The following KIF16B variants were observed in gnomAD, a reference collection of about 807,000 sequenced individuals.
The protein encoded by KIF16B is kinesin family member 16B.
In KIF16B, 98 loss-of-function variants were observed where a neutral mutation model predicts 156.3. That is an observed-to-expected ratio of 0.63 (90% CI 0.53 to 0.74). The LOEUF (loss-of-function observed/expected upper bound fraction) is 0.74, where lower values mean the gene tolerates loss of function less well. Among genes scored for constraint, KIF16B ranks in the 30% least tolerant of loss-of-function variants. The pLI is 0.00. For missense variants in KIF16B, 1,421 were observed against 1,606.5 expected (o/e 0.88, Z 1.97); for synonymous variants, 564 against 583.7 (o/e 0.97, Z 0.49).
intron 22 of KIF16B, among the ~76,000 whole-genome samples, chr20:16,362,464 T>C (rs1878666877): frequency 6.6e-6 from 1 of 152,164 alleles, no homozygotes; most frequent in Admixed American, 6.5e-5. Context: ...ACAGACAGAA[T>C]TATTAATGTC....
chr20:16,566,137 C>T (rs1243238116), intron 1 of KIF16B, among the ~76,000 whole-genome samples: 1 of 152,226 alleles, frequency 6.6e-6, no homozygotes, highest in Admixed American at 6.5e-5. Flanking sequence ...TCAGAAAATA[C>T]AGTGATTGCT....
intron 24 of KIF16B, among the ~76,000 whole-genome samples, chr20:16,312,652 T>C (rs1230782710): frequency 6.6e-6 from 1 of 152,182 alleles, no homozygotes; most frequent in Non-Finnish European, 1.5e-5. Context: ...GGGAACTCCA[T>C]GGAAGAATGA....
intron 25 of KIF16B, among the ~76,000 whole-genome samples, chr20:16,278,766 C>T (rs1312564379): frequency 6.6e-6 from 1 of 152,182 alleles, no homozygotes; most frequent in Admixed American, 6.5e-5. Flanking sequence ...ATATGAGAGA[C>T]ACCCTAGACT....
chr20:16,400,512 A>T (rs2065624570), intron 17 of KIF16B, among the ~76,000 whole-genome samples: 1 of 152,228 alleles, frequency 6.6e-6, no homozygotes, highest in Non-Finnish European at 1.5e-5. Flanking sequence ...TTCTGGGTAC[A>T]TACTCACAAG....
intron 12 of KIF16B, among the ~76,000 whole-genome samples, chr20:16,464,266 G>T (rs191993096): frequency 1.3e-5 from 2 of 152,154 alleles, no homozygotes; most frequent in African/African-American, 4.8e-5. Flanking sequence ...TGATTTAATT[G>T]CAAGGGAATA....
chr20:16,371,687 C>T lies in KIF16B; in HGVS notation c.3425G>A (p.Ser1142Asn), dbSNP rs1408548112. ...TACCTTCATCGTGTCTGCAGATGTACTGCAGCCTTCACTAATCACACGATG... is the reference window on the plus strand; with the variant it reads ...TACCTTCATCGTGTCTGCAGATGTATTGCAGCCTTCACTAATCACACGATG... Reference protein sequence around the residue: ...DLHRVISEGCSTSADTMKDNE... With the variant: ...DLHRVISEGCNTSADTMKDNE... Residue 1142 changes from serine (S) to asparagine (N), a missense_variant, in exon 21 of 26, where the codon AGT (serine) becomes AAT (asparagine). Ser to Asn is a conservative substitution (Grantham distance 46, BLOSUM62 1). Transcript: ENST00000354981. 2 of 1,612,526 alleles carry T rather than the reference C, an allele frequency of 1.2e-6. No individual in the cohort carries two copies. The highest frequency in any genetic ancestry group is 2.2e-5 in the South Asian group (2 of 91,038).
At chr20:16,362,891 C>A (rs529408051) in intron 22 of KIF16B, among the ~76,000 whole-genome samples, 1 of 152,296 alleles carries the variant, frequency 6.6e-6, no homozygotes, top group South Asian at 2.1e-4. Flanking sequence ...AAGATTTTAA[C>A]CAGATAGTAA....
chr20:16,411,924 T>C (rs1358184076), intron 15 of KIF16B, among the ~76,000 whole-genome samples: 2 of 129,506 alleles, frequency 1.5e-5, no homozygotes, highest in Non-Finnish European at 3.2e-5. Flanking sequence ...ATGAGGAATG[T>C]TCAACGTGTG....
In KIF16B at chr20:16,374,296, C is replaced by T. The variant is rs200292362; in HGVS notation, c.3311G>A (p.Ser1104Asn). 1.9e-6 allele frequency: 3 copies of T among 1,603,250 alleles called. No individual in the cohort carries two copies. The highest frequency in any genetic ancestry group is 1.3e-5 in the African/African-American group (1 of 74,734). Reference protein sequence around the residue: ...GKVASSSLPVSAEKSHLVPLM... With the variant: ...GKVASSSLPVNAEKSHLVPLM... Reference sequence around the variant, plus strand: ...GGGAACCAGGTGTGATTTTTCAGCACTGACTGGCAAGCTGGAAGAAGCCAC... The same window carrying T: ...GGGAACCAGGTGTGATTTTTCAGCATTGACTGGCAAGCTGGAAGAAGCCAC... The change falls in exon 20 of 26, where the codon AGT (serine) becomes AAT (asparagine). Residue 1104 changes from serine (S) to asparagine (N), a missense_variant. Coordinates refer to ENST00000354981, the MANE Select transcript of KIF16B (RefSeq NM_024704.5).
chr20:16,470,775 G>T (rs1055256139), intron 12 of KIF16B, among the ~76,000 whole-genome samples: 6 of 151,876 alleles, frequency 4.0e-5, no homozygotes, highest in Admixed American at 6.6e-5. Flanking sequence ...GGGATTACAG[G>T]CATGAACCAA....
chr20:16,368,365 C>T (rs918441942), intron 22 of KIF16B: 13 of 988,912 alleles, frequency 1.3e-5, no homozygotes, highest in African/African-American at 1.7e-5. Flanking sequence ...GCTGCCAACC[C>T]GAGCTTCCGG....
intron 25 of KIF16B, among the ~76,000 whole-genome samples, chr20:16,310,335 A>C (rs2063600756): frequency 1.3e-5 from 2 of 152,212 alleles, no homozygotes; most frequent in Middle Eastern, 3.2e-3. Context: ...CAGATGCCAA[A>C]AGGACAAACA....
chr20:16,501,588 C>A (rs1458420656), intron 10 of KIF16B, among the ~76,000 whole-genome samples: 1 of 151,952 alleles, frequency 6.6e-6, no homozygotes, highest in African/African-American at 2.4e-5. Context: ...AATAGGAAAC[C>A]CCTCAAATGC....
intron 23 of KIF16B, 35 bp from the exon 24 acceptor site, chr20:16,336,050 A>C: frequency 2.4e-6 from 3 of 1,252,698 alleles, no homozygotes; most frequent in Non-Finnish European, 3.4e-6. Context: ...AATAAGCATT[A>C]AGAAGCAAAA....
At chr20:16,391,671 G>C (rs1459522924) in intron 17 of KIF16B, among the ~76,000 whole-genome samples, 1 of 152,162 alleles carries the variant, frequency 6.6e-6, no homozygotes, top group Non-Finnish European at 1.5e-5. Flanking sequence ...GCAGGACAAT[G>C]GAAGTACAGA....
chr20:16,487,353 G>A (rs2068150870), intron 12 of KIF16B, among the ~76,000 whole-genome samples: 1 of 152,102 alleles, frequency 6.6e-6, no homozygotes, highest in South Asian at 2.1e-4. Context: ...AGGATTCAGT[G>A]CCCTGGACAA....
At chr20:16,412,910 G>A (rs1020622343) in intron 15 of KIF16B, among the ~76,000 whole-genome samples, 1 of 151,960 alleles carries the variant, frequency 6.6e-6, no homozygotes, top group African/African-American at 2.4e-5. Context: ...ACTAATGAAT[G>A]AGAATGGCTG....
intron 24 of KIF16B, among the ~76,000 whole-genome samples, chr20:16,318,756 A>G (rs1330048631): frequency 6.6e-6 from 1 of 152,266 alleles, no homozygotes; most frequent in Admixed American, 6.5e-5. Context: ...AATTAAATAA[A>G]TAAATGGGTA....
At chr20:16,551,960 A>C (rs1465195924) in intron 1 of KIF16B, among the ~76,000 whole-genome samples, 1 of 152,218 alleles carries the variant, frequency 6.6e-6, no homozygotes, top group East Asian at 1.9e-4. Context: ...CGCGGAGCTA[A>C]CATATAATGT....
Sources: gnomAD v4.1 joint callset for allele counts (sites outside exome capture counted in the v4.1 genomes callset) on GRCh38, gnomAD v4.1.1 for gene constraint, MANE v1.5 for transcripts, NCBI Gene and HGNC (gene_info 2026-07-23, HGNC 2026-07-21) for gene names.